FALEC: variants seen among roughly 807,000 people sequenced by gnomAD.
FALEC encodes the protein focally amplified lncRNA regulator of ECM1, also known as focally amplified lncRNA on chromosome 1.
At chr1:150,521,093 G>A (rs587665449), downstream of FALEC, among the ~76,000 whole-genome samples, 80 of 152,116 alleles carry the variant, frequency 5.3e-4, no homozygotes, top group African/African-American at 1.9e-3. Flanking sequence ...GAGCCACCAC[G>A]CCCGGCCTCA....
chr1:150,528,790 T>C, the FALEC span, among the ~76,000 whole-genome samples: 1 of 151,846 alleles, frequency 6.6e-6, no homozygotes, highest in Non-Finnish European at 1.5e-5. Flanking sequence ...GATTTCACCA[T>C]GTTAGCCAGG....
At chr1:150,532,076 T>G in the FALEC span, among the ~76,000 whole-genome samples, 6 of 152,082 alleles carry the variant, frequency 3.9e-5, no homozygotes, top group Non-Finnish European at 8.8e-5. Context: ...CCAGCTAATT[T>G]TTTTGTATTT....
the FALEC span, among the ~76,000 whole-genome samples, chr1:150,532,311 C>T: frequency 6.6e-6 from 1 of 152,202 alleles, no homozygotes; most frequent in Non-Finnish European, 1.5e-5. Context: ...CCCTCGTTCC[C>T]CTGGAGTGGA....
At chr1:150,522,880 T>TATATACATATATATATAC (rs1410329610), downstream of FALEC, among the ~76,000 whole-genome samples, 2 of 113,246 alleles carry the variant, frequency 1.8e-5, no homozygotes. Context: ...TATATACATA[T>TATATACATATATATATAC]ATATATACGT....
chr1:150,519,572 T>C (rs911050142), downstream of FALEC, among the ~76,000 whole-genome samples: 1 of 151,584 alleles, frequency 6.6e-6, no homozygotes, highest in African/African-American at 2.4e-5. Flanking sequence ...AATACAAAAT[T>C]AGGGCCAGGC....
At chr1:150,533,590 C>T in the FALEC span, among the ~76,000 whole-genome samples, 1 of 152,182 alleles carries the variant, frequency 6.6e-6, no homozygotes, top group Admixed American at 6.5e-5. Flanking sequence ...TGGTGTGCCA[C>T]AACACCCGGC....
the FALEC span, among the ~76,000 whole-genome samples, chr1:150,533,069 GT>G: frequency 6.6e-6 from 1 of 152,360 alleles, no homozygotes; most frequent in South Asian, 2.1e-4. Context: ...CAGTAATAGC[GT>G]TGGGATGAGG....
chr1:150,532,175 G>A, the FALEC span, among the ~76,000 whole-genome samples: 1 of 152,294 alleles, frequency 6.6e-6, no homozygotes, highest in East Asian at 1.9e-4. Flanking sequence ...CCAAAGTGCT[G>A]GGATTACAGG....
chr1:150,522,967 A>ATTT, downstream of FALEC, among the ~76,000 whole-genome samples: 1 of 35,822 alleles, frequency 2.8e-5, no homozygotes, highest in Non-Finnish European at 5.5e-5. Context: ...ATATATATAT[A>ATTT]TATATATATA....
the FALEC span, among the ~76,000 whole-genome samples, chr1:150,529,016 C>CAAAAAAAAAAAAAAAAAA: frequency 3.5e-3 from 208 of 59,258 alleles, 10 homozygotes; most frequent in Middle Eastern, 0.015. Context: ...AAATAAATAG[C>CAAAAAAAAAAAAAAAAAA]AAAAAAAAAA....
the FALEC span, among the ~76,000 whole-genome samples, chr1:150,526,349 C>CAAA: frequency 4.9e-5 from 3 of 61,772 alleles, no homozygotes; most frequent in Admixed American, 1.7e-4. Context: ...AACTCCGTCT[C>CAAA]AAAAAAAAAA....
the FALEC span, among the ~76,000 whole-genome samples, chr1:150,526,397 C>T: frequency 6.6e-6 from 1 of 151,050 alleles, no homozygotes; most frequent in Admixed American, 6.6e-5. Flanking sequence ...CAGGGTCTCG[C>T]TATGTCGCCC....
chr1:150,522,946 TGTGTATATATATATA>T (rs1670671893), downstream of FALEC, among the ~76,000 whole-genome samples: 1 of 5,424 alleles, frequency 1.8e-4, no homozygotes. Context: ...TGTGTGTGTG[TGTGTATATATATATA>T]TATATATATA....
the FALEC span, among the ~76,000 whole-genome samples, chr1:150,524,073 T>G: frequency 6.6e-6 from 1 of 152,218 alleles, no homozygotes; most frequent in East Asian, 1.9e-4. Context: ...AGACTCATTT[T>G]GGACATTTGG....
chr1:150,527,765 G>A, the FALEC span, among the ~76,000 whole-genome samples: 3 of 151,908 alleles, frequency 2.0e-5, no homozygotes, highest in East Asian at 1.9e-4. Flanking sequence ...CAGGAGAATC[G>A]CTTGAACCCG....
At chr1:150,533,513 G>A in the FALEC span, among the ~76,000 whole-genome samples, 1 of 134,906 alleles carries the variant, frequency 7.4e-6, no homozygotes. Flanking sequence ...TCTGCTCACT[G>A]CAACCTCCGC....
downstream of FALEC, among the ~76,000 whole-genome samples, chr1:150,522,977 ATATATATT>A (rs1670675735): frequency 4.2e-5 from 1 of 24,076 alleles, no homozygotes; most frequent in African/African-American, 1.9e-4. Flanking sequence ...ATATATATAT[ATATATATT>A]TTTTTTTTTT....
At chr1:150,533,865 G>A in the FALEC span, among the ~76,000 whole-genome samples, 13 of 152,172 alleles carry the variant, frequency 8.5e-5, no homozygotes, top group Admixed American at 4.6e-4. Flanking sequence ...ATATGCATGG[G>A]GTATTTTAAT....
chr1:150,525,843 G>C, the FALEC span, among the ~76,000 whole-genome samples: 1 of 152,106 alleles, frequency 6.6e-6, no homozygotes, highest in Admixed American at 6.6e-5. Context: ...AGGTCTTGCT[G>C]TATTGCCCAG....
Sources: gnomAD v4.1 joint callset for allele counts (sites outside exome capture counted in the v4.1 genomes callset) on GRCh38, gnomAD v4.1.1 for gene constraint, MANE v1.5 for transcripts, NCBI Gene and HGNC (gene_info 2026-07-23, HGNC 2026-07-21) for gene names.